TACR1: variants seen among roughly 807,000 people sequenced by gnomAD.
TACR1 encodes tachykinin receptor 1.
In TACR1, 25 loss-of-function variants were observed where a neutral mutation model predicts 35.8. The ratio of observed to expected loss-of-function variants is 0.70; its 90% CI spans 0.51 to 0.98. The LOEUF (loss-of-function observed/expected upper bound fraction) is 0.98, where lower values mean the gene tolerates loss of function less well. Among genes scored for constraint, TACR1 ranks in the 50% least tolerant of loss-of-function variants. The pLI is 0.00. For missense variants in TACR1, 478 were observed against 522.9 expected (o/e 0.91, Z 0.84); for synonymous variants, 195 against 206.7 (o/e 0.94, Z 0.48).
rs1037260325 is a variant in TACR1 at position 75,048,984 on chromosome 2, C to T, written c.*448G>A. 2.3e-4 allele frequency: 37 copies of T among 161,932 alleles called. No individual in the cohort carries two copies. Among genetic ancestry groups the T allele is most frequent in the African/African-American group, 7.4e-4 (31 of 41,666 alleles). 10.0% of individuals were successfully genotyped at this position (161,932 alleles called of 1,614,324 possible). On this transcript the variant is annotated 3_prime_UTR_variant, in exon 5 of 5. Transcript: ENST00000305249. ...GCCTTCTTTTGTTCACCCTGTCAAG[C>T]GTAGGCTGGGGTGATAGGAGCCTCC...
At chr2:75,111,466 G>A (rs1673749194) in intron 2 of TACR1, among the ~76,000 whole-genome samples, 1 of 151,990 alleles carries the variant, frequency 6.6e-6, no homozygotes, top group Non-Finnish European at 1.5e-5. Context: ...GAAGGTTTAA[G>A]CAAAACCACT....
intron 2 of TACR1, among the ~76,000 whole-genome samples, chr2:75,081,910 T>C (rs901811103): frequency 6.7e-6 from 1 of 150,250 alleles, no homozygotes; most frequent in African/African-American, 2.5e-5. Flanking sequence ...TTTTTTTTTT[T>C]TTAAATATAT....
chr2:75,102,741 T>TTTGGCC (rs1673563800), intron 2 of TACR1, among the ~76,000 whole-genome samples: 1 of 152,170 alleles, frequency 6.6e-6, no homozygotes, highest in Admixed American at 6.6e-5. Flanking sequence ...CATTGGTAAG[T>TTTGGCC]ATATGCCAAA....
chr2:75,091,201 CAAAAAAAAAAAAAAAAA>C (rs1184236584), intron 2 of TACR1, among the ~76,000 whole-genome samples: 1 of 63,432 alleles, frequency 1.6e-5, no homozygotes, highest in South Asian at 7.0e-4. Flanking sequence ...CTCGTAGGTG[CAAAAAAAAAAAAAAAAA>C]AAAAAAAATC....
intron 2 of TACR1, among the ~76,000 whole-genome samples, chr2:75,061,573 C>T (rs10202481): frequency 0.025 from 3,861 of 152,206 alleles, 174 homozygotes; most frequent in African/African-American, 0.087. Flanking sequence ...TATAGCGACA[C>T]GAGTACATGT....
At chr2:75,187,830 C>G (rs1675744491) in intron 1 of TACR1, 1 of 152,200 alleles carries the variant, frequency 6.6e-6, no homozygotes, top group African/African-American at 2.4e-5. Context: ...TCTGCGCCTT[C>G]TTTGCATTCT....
intron 2 of TACR1, among the ~76,000 whole-genome samples, chr2:75,089,362 T>G (rs1338415152): frequency 6.6e-6 from 1 of 152,196 alleles, no homozygotes; most frequent in Non-Finnish European, 1.5e-5. Context: ...TGCTCAAACT[T>G]GATCTGATAA....
chr2:75,134,427 G>A (rs565680566), intron 1 of TACR1, among the ~76,000 whole-genome samples: 1 of 152,152 alleles, frequency 6.6e-6, no homozygotes, highest in Admixed American at 6.5e-5. Context: ...GCTGTCTCTG[G>A]AGAAGGACAC....
At chr2:75,101,605 A>G (rs941575032) in intron 2 of TACR1, among the ~76,000 whole-genome samples, 1 of 152,170 alleles carries the variant, frequency 6.6e-6, no homozygotes, top group African/African-American at 2.4e-5. Flanking sequence ...AATCGTCATC[A>G]TGATTCTGGA....
intron 2 of TACR1, among the ~76,000 whole-genome samples, chr2:75,091,625 TC>T (rs1673315368): frequency 6.6e-6 from 1 of 152,216 alleles, no homozygotes; most frequent in East Asian, 1.9e-4. Context: ...CAGCCTGTGT[TC>T]CTTTCTCCTT....
intron 1 of TACR1, among the ~76,000 whole-genome samples, chr2:75,166,633 A>G (rs1484800414): frequency 6.6e-6 from 1 of 152,252 alleles, no homozygotes; most frequent in Non-Finnish European, 1.5e-5. Flanking sequence ...TAGTCTCAAG[A>G]TATTTTCAAA....
At chr2:75,176,777 C>T (rs1238489755) in intron 1 of TACR1, among the ~76,000 whole-genome samples, 2 of 152,194 alleles carry the variant, frequency 1.3e-5, no homozygotes, top group Non-Finnish European at 1.5e-5. Flanking sequence ...GGGCCTTCCT[C>T]TTAATGACCC....
rs140326142 is a variant in TACR1 at position 75,133,015 on chromosome 2, C to T, written c.390-12247G>A. Among the ~76,000 whole-genome samples, 807 of 152,178 alleles carry T rather than the reference C, an allele frequency of 5.3e-3. 4 individuals are homozygous for T. The highest frequency in any genetic ancestry group is 0.019 in the African/African-American group (768 of 41,512). Reference sequence around the variant, plus strand: ...ACTGAGGATATAGCTTTTTGGTTTCCAACTTTAAGGGAAGGTGGCCTATTA... The same window carrying T: ...ACTGAGGATATAGCTTTTTGGTTTCTAACTTTAAGGGAAGGTGGCCTATTA... On this transcript the variant is annotated intron_variant, in intron 1 of 4. Coordinates refer to ENST00000305249, the MANE Select transcript of TACR1 (RefSeq NM_001058.4).
At chr2:75,089,975 T>C (rs1558549390) in intron 2 of TACR1, among the ~76,000 whole-genome samples, 1 of 152,164 alleles carries the variant, frequency 6.6e-6, no homozygotes, top group African/African-American at 2.4e-5. Flanking sequence ...AAAATCATCA[T>C]CATCACCATT....
chr2:75,145,682 C>G (rs1396506220), intron 1 of TACR1, among the ~76,000 whole-genome samples: 1 of 152,160 alleles, frequency 6.6e-6, no homozygotes, highest in Non-Finnish European at 1.5e-5. Context: ...ATGAATGAAA[C>G]TGTCAAATAT....
intron 2 of TACR1, among the ~76,000 whole-genome samples, chr2:75,092,072 A>G (rs1323271305): frequency 6.6e-6 from 1 of 152,276 alleles, no homozygotes; most frequent in Non-Finnish European, 1.5e-5. Flanking sequence ...ATCTGAATGC[A>G]GAACTCAGCA....
At chr2:75,176,708 G>A (rs1675428969) in intron 1 of TACR1, among the ~76,000 whole-genome samples, 1 of 152,038 alleles carries the variant, frequency 6.6e-6, no homozygotes, top group African/African-American at 2.4e-5. Context: ...TGCACCACCT[G>A]CCTCATCACA....
At chr2:75,183,912 A>G (rs1157405894) in intron 1 of TACR1, among the ~76,000 whole-genome samples, 1 of 152,226 alleles carries the variant, frequency 6.6e-6, no homozygotes, top group Admixed American at 6.5e-5. Flanking sequence ...AAAATAAGGA[A>G]TTTATATTAT....
At chr2:75,130,704 A>G (rs776698345) in intron 1 of TACR1, among the ~76,000 whole-genome samples, 3 of 152,232 alleles carry the variant, frequency 2.0e-5, no homozygotes, top group Middle Eastern at 3.2e-3. Flanking sequence ...TTATCACACC[A>G]AAGCGTTAAT....
Sources: gnomAD v4.1 joint callset for allele counts (sites outside exome capture counted in the v4.1 genomes callset) on GRCh38, gnomAD v4.1.1 for gene constraint, MANE v1.5 for transcripts, NCBI Gene and HGNC (gene_info 2026-07-23, HGNC 2026-07-21) for gene names.